LPP: variants seen among roughly 807,000 people sequenced by gnomAD.
LPP encodes lipoma-preferred partner.
LPP carries 38 observed loss-of-function variants against 60.4 expected under a neutral mutation model. The ratio of observed to expected loss-of-function variants is 0.63; its 90% CI spans 0.49 to 0.83. LPP has a LOEUF of 0.83. Among genes scored for constraint, LPP ranks in the 40% least tolerant of loss-of-function variants. LPP has a pLI of 0.00. For missense variants in LPP, 902 were observed against 783.6 expected (o/e 1.15, Z -1.80); for synonymous variants, 328 against 290.8 (o/e 1.13, Z -1.30).
chr3:188,248,488 A>ATATATATATATATATATATG (rs1727885017), intron 2 of LPP, among the ~76,000 whole-genome samples: 1 of 138,704 alleles, frequency 7.2e-6, no homozygotes, highest in Non-Finnish European at 1.5e-5. Context: ...ATATATATAT[A>ATATATATATATATATATATG]TATATATATA....
intron 2 of LPP, among the ~76,000 whole-genome samples, chr3:188,243,211 T>A (rs1217567470): frequency 2.0e-5 from 3 of 152,196 alleles, no homozygotes; most frequent in Non-Finnish European, 2.9e-5. Context: ...CTCTAGAAAC[T>A]TGATTTTTTC....
chr3:188,263,109 T>C (rs1734260620), intron 2 of LPP, among the ~76,000 whole-genome samples: 1 of 152,118 alleles, frequency 6.6e-6, no homozygotes, highest in Non-Finnish European at 1.5e-5. Flanking sequence ...AGCCATGCCA[T>C]CCCTCCATGG....
intron 7 of LPP, among the ~76,000 whole-genome samples, chr3:188,679,652 A>G (rs1329095211): frequency 6.6e-6 from 1 of 152,106 alleles, no homozygotes; most frequent in Non-Finnish European, 1.5e-5. Context: ...CATTACATGG[A>G]TGCTCTGGTT....
chr3:188,326,350 G>A (rs565568357), intron 2 of LPP, among the ~76,000 whole-genome samples: 40 of 152,198 alleles, frequency 2.6e-4, no homozygotes, highest in South Asian at 2.1e-3. Context: ...TAAATATACC[G>A]TACTCTTTTA....
intron 1 of LPP, among the ~76,000 whole-genome samples, chr3:188,166,708 T>C (rs1720059441): frequency 6.6e-6 from 1 of 152,222 alleles, no homozygotes; most frequent in Admixed American, 6.5e-5. Context: ...TCCCTGCCTG[T>C]GCAGATCTCT....
intron 11 of LPP, among the ~76,000 whole-genome samples, chr3:188,874,037 C>T (rs1320909283): frequency 6.6e-6 from 1 of 152,060 alleles, no homozygotes; most frequent in Non-Finnish European, 1.5e-5. Context: ...GTGGGGGCAG[C>T]AAACTTCTAC....
At chr3:188,699,865 T>A (rs78010196) in intron 7 of LPP, among the ~76,000 whole-genome samples, 2,433 of 151,960 alleles carry the variant, frequency 0.016, 26 homozygotes, top group Middle Eastern at 0.034. Context: ...GAGAGTAGAG[T>A]ATAATTCAGT....
chr3:188,316,490 T>A (rs1755114918), intron 2 of LPP, among the ~76,000 whole-genome samples: 1 of 152,032 alleles, frequency 6.6e-6, no homozygotes, highest in Admixed American at 6.6e-5. Flanking sequence ...TGAGTAGAAT[T>A]AGAATGCTAG....
chr3:188,422,090 T>C (rs1230969371), intron 4 of LPP, among the ~76,000 whole-genome samples: 1 of 152,170 alleles, frequency 6.6e-6, no homozygotes, highest in Non-Finnish European at 1.5e-5. Context: ...CAGCTTTTGC[T>C]CTGGCCTTGA....
intron 6 of LPP, among the ~76,000 whole-genome samples, chr3:188,574,537 T>C (rs1370093506): frequency 6.6e-6 from 1 of 152,226 alleles, no homozygotes; most frequent in East Asian, 1.9e-4. Flanking sequence ...AAGAATAGTA[T>C]CTCTTCCTGC....
At chr3:188,570,800 G>A (rs560453444) in intron 6 of LPP, among the ~76,000 whole-genome samples, 2 of 151,860 alleles carry the variant, frequency 1.3e-5, no homozygotes, top group East Asian at 3.9e-4. Context: ...TATGGTGGGT[G>A]AAAGCCCGCT....
intron 8 of LPP, among the ~76,000 whole-genome samples, chr3:188,734,519 C>G (rs1041257012): frequency 3.9e-5 from 6 of 152,226 alleles, no homozygotes; most frequent in African/African-American, 1.4e-4. Flanking sequence ...TGCCCCATGG[C>G]TAATTTGGCC....
chr3:188,728,428 G>A (rs1719201315), intron 8 of LPP, among the ~76,000 whole-genome samples: 1 of 152,166 alleles, frequency 6.6e-6, no homozygotes, highest in African/African-American at 2.4e-5. Flanking sequence ...TTTGTAGAAT[G>A]CACTATGTTA....
intron 6 of LPP, among the ~76,000 whole-genome samples, chr3:188,575,143 G>T (rs1025314095): frequency 9.9e-5 from 15 of 152,056 alleles, no homozygotes; most frequent in Non-Finnish European, 1.5e-5. Context: ...ATTCCCAGGA[G>T]TCAGGTCCTG....
At chr3:188,203,174 A>G (rs374099051) in intron 1 of LPP, among the ~76,000 whole-genome samples, 1,731 of 134,306 alleles carry the variant, frequency 0.013, 22 homozygotes, top group South Asian at 0.028. Context: ...TAAATTATAT[A>G]TAATTTTATA....
intron 4 of LPP, among the ~76,000 whole-genome samples, chr3:188,440,224 G>A (rs992496317): frequency 6.6e-6 from 1 of 152,150 alleles, no homozygotes; most frequent in Non-Finnish European, 1.5e-5. Flanking sequence ...TTTGGTAAAT[G>A]CTAACTGTGT....
chr3:188,851,297 C>T (rs1016953644), intron 9 of LPP, among the ~76,000 whole-genome samples: 2 of 152,118 alleles, frequency 1.3e-5, no homozygotes, highest in African/African-American at 4.8e-5. Context: ...AATAATTTGT[C>T]TTTATTGATT....
chr3:188,348,303 C>T (rs779979764), intron 3 of LPP, among the ~76,000 whole-genome samples: 2 of 151,876 alleles, frequency 1.3e-5, no homozygotes, highest in East Asian at 1.9e-4. Context: ...TGAGCCACCA[C>T]GCCCAGCTAA....
intron 9 of LPP, among the ~76,000 whole-genome samples, chr3:188,815,473 G>A (rs950071907): frequency 6.6e-6 from 1 of 151,692 alleles, no homozygotes; most frequent in African/African-American, 2.4e-5. Context: ...AATAATATAA[G>A]CCTGGGCTTA....
Sources: gnomAD v4.1 joint callset for allele counts (sites outside exome capture counted in the v4.1 genomes callset) on GRCh38, gnomAD v4.1.1 for gene constraint, MANE v1.5 for transcripts, NCBI Gene and HGNC (gene_info 2026-07-23, HGNC 2026-07-21) for gene names.